Variants in LAMB4 observed in about 807,000 individuals in gnomAD.
LAMB4 encodes the protein laminin subunit beta 4.
In LAMB4, 196 loss-of-function variants were observed where a neutral mutation model predicts 199.2. That is an observed-to-expected ratio of 0.98 (90% confidence interval 0.88 to 1.11). The LOEUF is 1.11. LAMB4 is among the 50% of genes least tolerant of loss of function. The pLI is 0.00. For missense variants in LAMB4, 2,080 were observed against 2,171.2 expected (o/e 0.96, Z 0.83); for synonymous variants, 744 against 770.6 (o/e 0.97, Z 0.57).
intron 31 of LAMB4, among the ~76,000 whole-genome samples, chr7:108,033,546 T>C (rs1365633116): frequency 6.6e-6 from 1 of 151,880 alleles, no homozygotes; most frequent in Non-Finnish European, 1.5e-5. Flanking sequence ...GTAGCTGGGA[T>C]TATAGGTGCC....
Position 108,069,876 on chromosome 7 carries a change from T to C in LAMB4, c.2134A>G (p.Ile712Val), listed in dbSNP as rs1364452240. The C allele has an allele frequency of 6.2e-7, 1 of 1,611,100 alleles. No homozygotes were observed. Among genetic ancestry groups the C allele is most frequent in the Non-Finnish European group, 8.5e-7 (1 of 1,177,626 alleles). ...SHVLVDSLGLIPQINSLENFC... is the reference protein window; with the variant it reads ...SHVLVDSLGLVPQINSLENFC... The stretch of plus-strand genomic sequence containing the variant: ...TTCTCCAATGAATTGATTTGGGGAA[T>C]AAGGCCAAGCTTTTGAAAGAATGCA... The change falls in exon 18 of 34, where the codon ATT becomes GTT. Residue 712 changes from isoleucine (I) to valine (V), a missense_variant. Transcript: ENST00000388781.
At chr7:108,027,307 G>T (rs967189329) in intron 33 of LAMB4, among the ~76,000 whole-genome samples, 1 of 151,850 alleles carries the variant, frequency 6.6e-6, no homozygotes, top group African/African-American at 2.4e-5. Flanking sequence ...ACATTTTAAC[G>T]AAAATACTTA....
intron 31 of LAMB4, among the ~76,000 whole-genome samples, chr7:108,033,735 A>AT (rs556578520): frequency 0.019 from 1,902 of 102,054 alleles, 16 homozygotes; most frequent in Middle Eastern, 0.038. Context: ...TTGGATGAGT[A>AT]TTTTTTTTTT....
downstream of LAMB4, among the ~76,000 whole-genome samples, chr7:108,019,040 G>T (rs73422875): frequency 0.019 from 2,907 of 152,224 alleles, 93 homozygotes; most frequent in African/African-American, 0.066. Context: ...TTGAAGGTAG[G>T]GGGGAAACAA....
intron 2 of LAMB4, among the ~76,000 whole-genome samples, chr7:108,120,465 C>T (rs2038560059): frequency 6.6e-6 from 1 of 152,320 alleles, no homozygotes; most frequent in African/African-American, 2.4e-5. Context: ...TTCTCAATCT[C>T]AATGTAAAGA....
rs1255239799 is a variant in LAMB4 at position 108,030,318 on chromosome 7, G to C, written c.4992+488C>G. On this transcript the variant is annotated intron_variant, in intron 32 of 33. Coordinates refer to ENST00000388781, the MANE Select transcript of LAMB4 (RefSeq NM_007356.3). ...AGGTTTCTTGCTAGGAAAATGAGCT[G>C]ATAGGTTCTTTCAGCAACCTAAATT... Among the ~76,000 whole-genome samples, 8 of 152,302 alleles carry C rather than the reference G, an allele frequency of 5.3e-5. No individual in the cohort carries two copies. In the East Asian group the frequency reaches 1.5e-3, roughly 29 times the overall value.
At chr7:108,055,292 T>C (rs1373299406) in intron 25 of LAMB4, among the ~76,000 whole-genome samples, 1 of 151,280 alleles carries the variant, frequency 6.6e-6, no homozygotes, top group Admixed American at 6.6e-5. Flanking sequence ...GTTCAAGCAA[T>C]TCTCTTGCCT....
intron 14 of LAMB4, among the ~76,000 whole-genome samples, chr7:108,090,659 A>G (rs1403406440): frequency 6.6e-6 from 1 of 152,202 alleles, no homozygotes; most frequent in African/African-American, 2.4e-5. Flanking sequence ...TCTATTTTAG[A>G]TAATTATGTT....
chr7:108,083,400 G>A (rs1229421665), intron 14 of LAMB4, among the ~76,000 whole-genome samples: 1 of 152,194 alleles, frequency 6.6e-6, no homozygotes, highest in Non-Finnish European at 1.5e-5. Context: ...TTCCTACAGT[G>A]AGAACCAGCC....
chr7:108,058,963 A>G (rs1332782126), intron 23 of LAMB4, among the ~76,000 whole-genome samples: 1 of 152,026 alleles, frequency 6.6e-6, no homozygotes, highest in Non-Finnish European at 1.5e-5. Flanking sequence ...CCACGTTTCA[A>G]TATCTTTGCA....
intron 11 of LAMB4, among the ~76,000 whole-genome samples, chr7:108,097,835 A>C (rs1208043020): frequency 6.6e-6 from 1 of 152,230 alleles, no homozygotes; most frequent in Non-Finnish European, 1.5e-5. Flanking sequence ...AGTGGAAACC[A>C]AAAAAACTTT....
intron 11 of LAMB4, among the ~76,000 whole-genome samples, chr7:108,096,109 C>T (rs374990975): frequency 4.6e-5 from 7 of 152,174 alleles, no homozygotes; most frequent in Admixed American, 6.5e-5. Flanking sequence ...AACTCCAGAA[C>T]GCTTTTCATC....
chr7:108,049,289 C>A lies in LAMB4; in HGVS notation c.4122+37G>T, dbSNP rs565754936. On this transcript the variant is annotated intron_variant, in intron 27 of 33. Coordinates refer to ENST00000388781, the MANE Select transcript of LAMB4 (RefSeq NM_007356.3). ...AAGAGGTTCATATACCAAGTAAAAA[C>A]CACAAATGCTTTGACCTTACCATCA... 8 of 1,171,248 alleles carry A rather than the reference C, an allele frequency of 6.8e-6. No individual in the cohort carries two copies. In the African/African-American group the frequency reaches 1.3e-4, roughly 19 times the overall value. 72.6% of individuals were successfully genotyped at this position (1,171,248 alleles called of 1,614,324 possible). A position where few individuals can be genotyped will look rare whatever the true frequency, so the allele number is the denominator to read the frequency against.
At chr7:108,054,039 T>G (rs573585874) in intron 25 of LAMB4, among the ~76,000 whole-genome samples, 1 of 152,326 alleles carries the variant, frequency 6.6e-6, no homozygotes, top group Admixed American at 6.5e-5. Context: ...TTTTTGTTTT[T>G]AGAGACAGGG....
intron 14 of LAMB4, among the ~76,000 whole-genome samples, chr7:108,091,109 G>A (rs75016043): frequency 4.5e-5 from 6 of 132,222 alleles, no homozygotes; most frequent in African/African-American, 1.1e-4. Context: ...TTTTTTTTTT[G>A]TCATATTCCT....
intron 17 of LAMB4, among the ~76,000 whole-genome samples, chr7:108,072,693 G>A (rs1017309649): frequency 2.6e-5 from 4 of 152,066 alleles, no homozygotes; most frequent in Admixed American, 2.6e-4. Flanking sequence ...GAACCGGGGT[G>A]GCAGGGATAG....
At chr7:108,095,450 G>T in intron 11 of LAMB4, 113 bp from the exon 12 acceptor site, 1 of 737,408 alleles carries the variant, frequency 1.4e-6, no homozygotes, top group Non-Finnish European at 2.3e-6. Flanking sequence ...AGAGAAGCCT[G>T]CCCTGCCAGG....
At chr7:108,042,919 ATCTC>A (rs142575922) in intron 29 of LAMB4, among the ~76,000 whole-genome samples, 17,130 of 146,532 alleles carry the variant, frequency 0.12, 1,555 homozygotes, top group African/African-American at 0.27. Flanking sequence ...CACATTAATC[ATCTC>A]TCTCTCTCAA....
chr7:108,056,124 G>T (rs1011542128), intron 24 of LAMB4, 117 bp from the exon 25 acceptor site: 19 of 903,656 alleles, frequency 2.1e-5, no homozygotes, highest in Non-Finnish European at 3.1e-5. Flanking sequence ...CTTCTAAGAT[G>T]AATATTTAAA....
Sources: allele counts gnomAD v4.1 joint callset (sites outside exome capture counted in the v4.1 genomes callset), GRCh38; gene constraint gnomAD v4.1.1; transcripts MANE v1.5; gene names NCBI Gene and HGNC (gene_info 2026-07-23, HGNC 2026-07-21).